The following UNC13C variants were observed in gnomAD, a reference collection of about 807,000 sequenced individuals.
UNC13C encodes unc-13 homolog C.
A neutral mutation model predicts 245.4 loss-of-function variants in UNC13C; 174 were observed. The ratio of observed to expected loss-of-function variants is 0.71; its 90% CI spans 0.63 to 0.80. The LOEUF (loss-of-function observed/expected upper bound fraction) is 0.80. Among genes scored for constraint, UNC13C ranks in the 30% least tolerant of loss-of-function variants. The probability of loss-of-function intolerance (pLI) is 0.00; values close to 1 mark genes in which losing one functional copy is unlikely to be tolerated. For missense variants in UNC13C, 2,829 were observed against 2,602.9 expected (o/e 1.09, Z -1.89); for synonymous variants, 992 against 895.1 (o/e 1.11, Z -1.93).
At chr15:54,462,119 C>T (rs1263173224) in intron 19 of UNC13C, among the ~76,000 whole-genome samples, 2 of 152,034 alleles carry the variant, frequency 1.3e-5, no homozygotes, top group Non-Finnish European at 2.9e-5. Flanking sequence ...AGGCCTTTGC[C>T]AGGGGTGTGA....
intron 2 of UNC13C, among the ~76,000 whole-genome samples, chr15:54,020,209 C>T (rs1199914185): frequency 6.6e-6 from 1 of 151,858 alleles, no homozygotes; most frequent in Non-Finnish European, 1.5e-5. Flanking sequence ...TTCTTAATTT[C>T]CCCCTTTTTA....
At chr15:54,057,163 G>A (rs987671313) in intron 2 of UNC13C, among the ~76,000 whole-genome samples, 5 of 152,134 alleles carry the variant, frequency 3.3e-5, no homozygotes, top group African/African-American at 9.7e-5. Context: ...GGCACAGACT[G>A]GCAAATTGAT....
Position 54,143,667 on chromosome 15 carries a change from A to G in UNC13C, c.3054A>G (p.Ala1018=), listed in dbSNP as rs779092566. ...ATTTGGATGCTTCCAAATTTTCTGC[A>G]CTCCAGGTGTGTGGTGGGTAAGTAC... ...GNDLDASKFS[A]LQVCGGAGGG... is the part of the protein sequence containing the mutation. Residue 1018 remains alanine, a synonymous_variant, in exon 4 of 33, where the codon GCA becomes GCG. Coordinates refer to ENST00000260323, the MANE Select transcript of UNC13C (RefSeq NM_001080534.3). 1.2e-6 allele frequency: 2 copies of G among 1,613,252 alleles called. No homozygotes were observed. Among genetic ancestry groups the G allele is most frequent in the Admixed American group, 1.7e-5 (1 of 59,980 alleles).
intron 4 of UNC13C, among the ~76,000 whole-genome samples, chr15:54,174,822 C>T (rs1421862819): frequency 3.9e-5 from 6 of 152,138 alleles, no homozygotes; most frequent in Admixed American, 3.3e-4. Context: ...GGGTCATGTA[C>T]TGATTAAAGC....
intron 10 of UNC13C, among the ~76,000 whole-genome samples, chr15:54,280,675 CATAT>C (rs1406086669): frequency 1.2e-5 from 1 of 81,840 alleles, no homozygotes. Flanking sequence ...CATACATATA[CATAT>C]ATACATATAT....
chr15:54,297,986 A>C, intron 12 of UNC13C, 60 bp downstream of exon 12: 2 of 1,166,914 alleles, frequency 1.7e-6, no homozygotes, highest in Non-Finnish European at 1.2e-6. Flanking sequence ...TATGGATTAT[A>C]AAACAGAATA....
intron 1 of UNC13C, among the ~76,000 whole-genome samples, chr15:54,004,649 T>G (rs1895055761): frequency 6.6e-6 from 1 of 152,228 alleles, no homozygotes; most frequent in African/African-American, 2.4e-5. Flanking sequence ...GGCTTCCTTT[T>G]CTCAACATCC....
At chr15:54,198,138 C>T (rs111314817) in intron 4 of UNC13C, among the ~76,000 whole-genome samples, 1 of 152,052 alleles carries the variant, frequency 6.6e-6, no homozygotes, top group Non-Finnish European at 1.5e-5. Context: ...AACTGGGAAC[C>T]ACACCCCTAT....
At chr15:54,114,216 A>C (rs544731638) in intron 2 of UNC13C, among the ~76,000 whole-genome samples, 1 of 152,346 alleles carries the variant, frequency 6.6e-6, no homozygotes, top group Non-Finnish European at 1.5e-5. Context: ...TGATCCCAAT[A>C]GCCTGCCACT....
At chr15:54,610,109 GT>G (rs935280449) in intron 30 of UNC13C, among the ~76,000 whole-genome samples, 13 of 151,680 alleles carry the variant, frequency 8.6e-5, no homozygotes, top group South Asian at 6.3e-4. Context: ...GCATATTGTA[GT>G]TTTTTTTTAA....
At chr15:54,556,159 T>C (rs74014216) in intron 29 of UNC13C, among the ~76,000 whole-genome samples, 11,697 of 152,046 alleles carry the variant, frequency 0.077, 1,168 homozygotes, top group African/African-American at 0.23. Flanking sequence ...TATGTGAAAG[T>C]TTATTAAAGA....
intron 17 of UNC13C, among the ~76,000 whole-genome samples, chr15:54,340,085 C>A (rs955778743): frequency 6.6e-6 from 1 of 152,086 alleles, no homozygotes; most frequent in Non-Finnish European, 1.5e-5. Flanking sequence ...ATTTGTATAT[C>A]TTCTTTTGAG....
At chr15:54,520,287 G>A (rs1280642884) in intron 24 of UNC13C, among the ~76,000 whole-genome samples, 5 of 152,226 alleles carry the variant, frequency 3.3e-5, no homozygotes, top group African/African-American at 1.2e-4. Context: ...AGAAGTCAAA[G>A]ATGACTTTCA....
At chr15:54,556,065 A>T (rs1441177819) in intron 29 of UNC13C, among the ~76,000 whole-genome samples, 1 of 152,096 alleles carries the variant, frequency 6.6e-6, no homozygotes, top group Non-Finnish European at 1.5e-5. Context: ...ATTGTAGTGT[A>T]TGCTAAATAT....
chr15:53,897,777 C>T, the UNC13C span, among the ~76,000 whole-genome samples: 3 of 152,128 alleles, frequency 2.0e-5, no homozygotes, highest in East Asian at 5.8e-4. Flanking sequence ...AGTGTATTAG[C>T]ATATTAAAAG....
chr15:54,349,750 C>T (rs921311942), intron 17 of UNC13C, among the ~76,000 whole-genome samples: 4 of 152,100 alleles, frequency 2.6e-5, no homozygotes, highest in Non-Finnish European at 5.9e-5. Flanking sequence ...TCACCAAGGG[C>T]ATGTTTACTA....
intron 2 of UNC13C, among the ~76,000 whole-genome samples, chr15:54,042,069 G>A (rs930920893): frequency 1.2e-4 from 19 of 152,078 alleles, no homozygotes; most frequent in African/African-American, 2.2e-4. Context: ...AAGATGCTGC[G>A]ATTTTTAAAT....
intron 19 of UNC13C, among the ~76,000 whole-genome samples, chr15:54,469,669 G>A (rs991653945): frequency 2.6e-5 from 4 of 151,542 alleles, no homozygotes; most frequent in African/African-American, 9.7e-5. Flanking sequence ...GTAGTACTTG[G>A]TACACAGCAA....
the UNC13C span, among the ~76,000 whole-genome samples, chr15:53,843,908 T>C: frequency 6.7e-3 from 1,022 of 152,282 alleles, 6 homozygotes; most frequent in Non-Finnish European, 9.6e-3. Flanking sequence ...CATTGAAAAG[T>C]AGAGATAACT....
Sources: allele counts gnomAD v4.1 joint callset (sites outside exome capture counted in the v4.1 genomes callset), GRCh38; gene constraint gnomAD v4.1.1; transcripts MANE v1.5; gene names NCBI Gene and HGNC (gene_info 2026-07-23, HGNC 2026-07-21).